RABGAP1L: variants seen among roughly 807,000 people sequenced by gnomAD.
RABGAP1L encodes rab GTPase-activating protein 1-like.
A neutral mutation model predicts 137.7 loss-of-function variants in RABGAP1L; 63 were observed. The ratio of observed to expected loss-of-function variants is 0.46; its 90% CI spans 0.37 to 0.56. The LOEUF is 0.56. Ranked by LOEUF, RABGAP1L falls within the 20% of genes least tolerant of loss-of-function variation. RABGAP1L has a pLI of 0.00. For missense variants in RABGAP1L, 1,095 were observed against 1,244.0 expected (o/e 0.88, Z 1.80); for synonymous variants, 431 against 433.7 (o/e 0.99, Z 0.08).
intron 14 of RABGAP1L, among the ~76,000 whole-genome samples, chr1:174,640,365 C>T (rs1401487953): frequency 6.6e-6 from 1 of 152,050 alleles, no homozygotes. Flanking sequence ...CTCAAGCTTC[C>T]ACATCCACTT....
At chr1:174,283,938 A>G (rs1305727902) in intron 10 of RABGAP1L, among the ~76,000 whole-genome samples, 1 of 152,216 alleles carries the variant, frequency 6.6e-6, no homozygotes, top group Non-Finnish European at 1.5e-5. Flanking sequence ...GGTTTTACAC[A>G]TACTTTAATT....
At chr1:174,270,871 A>T (rs1436654369) in intron 7 of RABGAP1L, among the ~76,000 whole-genome samples, 1 of 152,200 alleles carries the variant, frequency 6.6e-6, no homozygotes, top group East Asian at 1.9e-4. Flanking sequence ...GAAGCAAAGT[A>T]TGTAGGGATG....
chr1:174,206,734 T>C (rs894714388), intron 1 of RABGAP1L, among the ~76,000 whole-genome samples: 3 of 152,214 alleles, frequency 2.0e-5, no homozygotes, highest in African/African-American at 7.2e-5. Context: ...CACTTTCGAA[T>C]ATGTTACGTT....
At chr1:174,195,543 T>C (rs1571479262) in intron 1 of RABGAP1L, among the ~76,000 whole-genome samples, 1 of 152,006 alleles carries the variant, frequency 6.6e-6, no homozygotes, top group Non-Finnish European at 1.5e-5. Flanking sequence ...CCTGTTATGA[T>C]ACTAGTAACT....
At chr1:174,590,123 CTTTTTTTTTTT>C (rs1166364912) in intron 13 of RABGAP1L, among the ~76,000 whole-genome samples, 88 of 59,808 alleles carry the variant, frequency 1.5e-3, no homozygotes, top group African/African-American at 2.6e-3. Flanking sequence ...TCTTCAGTTT[CTTTTTTTTTTT>C]TTTTTTTTTT....
At chr1:174,950,809 G>A (rs1243831739) in intron 19 of RABGAP1L, among the ~76,000 whole-genome samples, 1 of 152,144 alleles carries the variant, frequency 6.6e-6, no homozygotes, top group Non-Finnish European at 1.5e-5. Flanking sequence ...CTAGGCACCT[G>A]AACTGAGCAC....
chr1:174,899,972 A>G (rs1350893436), intron 19 of RABGAP1L, among the ~76,000 whole-genome samples: 3 of 152,166 alleles, frequency 2.0e-5, no homozygotes, highest in African/African-American at 4.8e-5. Flanking sequence ...CTGAAGGACT[A>G]TAGTGCAGAA....
chr1:174,486,553 C>T (rs1659678768), intron 13 of RABGAP1L, among the ~76,000 whole-genome samples: 1 of 151,844 alleles, frequency 6.6e-6, no homozygotes, highest in Non-Finnish European at 1.5e-5. Context: ...TCACTGTGTT[C>T]ACCAGGATGG....
chr1:174,354,773 C>T (rs1040285064), intron 11 of RABGAP1L, among the ~76,000 whole-genome samples: 1 of 152,080 alleles, frequency 6.6e-6, no homozygotes. Flanking sequence ...AGGTTTTCTT[C>T]TAGGGTTTTT....
intron 13 of RABGAP1L, among the ~76,000 whole-genome samples, chr1:174,429,087 G>T (rs1652293980): frequency 6.6e-6 from 1 of 152,022 alleles, no homozygotes. Flanking sequence ...TTAAAAACTA[G>T]GACAATTAAG....
At position 174,280,764 on chromosome 1, in the gene RABGAP1L, G is replaced by C. The variant is rs145143835; in HGVS notation, c.1323+1985G>C. ...CTAGAGGCTGGGAAAGTAAACTAGAGAAAGTCCTTTTGTGTCCGGAATTGG... is the reference window on the plus strand; with the variant it reads ...CTAGAGGCTGGGAAAGTAAACTAGACAAAGTCCTTTTGTGTCCGGAATTGG... On this transcript the variant is annotated intron_variant, in intron 10 of 25. Transcript: ENST00000681986. Among the ~76,000 whole-genome samples, 840 of 152,332 alleles carry C rather than the reference G, an allele frequency of 5.5e-3. 4 individuals are homozygous for C. The highest frequency in any genetic ancestry group is 8.6e-3 in the Non-Finnish European group (587 of 68,024).
chr1:174,418,839 G>A (rs1006687699), intron 13 of RABGAP1L, among the ~76,000 whole-genome samples: 7 of 152,118 alleles, frequency 4.6e-5, no homozygotes, highest in African/African-American at 1.7e-4. Context: ...AGGAGTTCAA[G>A]ACCAGCCTGG....
chr1:174,219,254 G>T lies in RABGAP1L; in HGVS notation c.97G>T (p.Asp33Tyr). Residue 33 changes from aspartate to tyrosine, a missense_variant, in exon 2 of 26, where the codon GAT becomes TAT. Physicochemically the swap from Asp to Tyr is radical, Grantham distance 160 (BLOSUM62 -3). Coordinates refer to ENST00000681986, the MANE Select transcript of RABGAP1L (RefSeq NM_001366446.1). ...EEFVLVPQYADDNSTKHEEKP... is the reference protein window; with the variant it reads ...EEFVLVPQYAYDNSTKHEEKP... Reference sequence around the variant, plus strand: ...ATTTGTTTTGGTTCCTCAGTATGCAGATGATAATTCTACAAAACATGAAGA... The same window carrying T: ...ATTTGTTTTGGTTCCTCAGTATGCATATGATAATTCTACAAAACATGAAGA... 6.3e-7 allele frequency: 1 copy of T among 1,595,236 alleles called. No individual in the cohort carries two copies. The highest frequency in any genetic ancestry group is 8.5e-7 in the Non-Finnish European group (1 of 1,170,076).
At chr1:174,892,904 T>G (rs943102436) in intron 19 of RABGAP1L, 4 of 191,626 alleles carry the variant, frequency 2.1e-5, no homozygotes, top group African/African-American at 5.4e-5. Flanking sequence ...TAATTTTTTT[T>G]TTTTTTTTTT....
At chr1:174,628,497 G>T (rs115381971) in intron 13 of RABGAP1L, among the ~76,000 whole-genome samples, 3,752 of 152,208 alleles carry the variant, frequency 0.025, 63 homozygotes, top group Non-Finnish European at 0.036. Flanking sequence ...TAGGCAATAT[G>T]CTAAGTACTT....
At chr1:174,671,265 T>G (rs573069088) in intron 14 of RABGAP1L, among the ~76,000 whole-genome samples, 2 of 152,346 alleles carry the variant, frequency 1.3e-5, no homozygotes, top group East Asian at 3.9e-4. Context: ...TAAAATGATG[T>G]CAACTGCAGA....
chr1:174,294,915 A>G (rs546458971), intron 10 of RABGAP1L, among the ~76,000 whole-genome samples: 13 of 150,054 alleles, frequency 8.7e-5, no homozygotes, highest in Non-Finnish European at 1.5e-4. Flanking sequence ...TTTTTGATAC[A>G]TTGAATTTTT....
chr1:174,863,537 G>A (rs951681839), intron 19 of RABGAP1L, among the ~76,000 whole-genome samples: 2 of 151,858 alleles, frequency 1.3e-5, no homozygotes, highest in Admixed American at 6.6e-5. Context: ...GCCGGGCATG[G>A]TGGCGGACGC....
intron 13 of RABGAP1L, among the ~76,000 whole-genome samples, chr1:174,599,363 G>A (rs1222059953): frequency 6.6e-6 from 1 of 152,156 alleles, no homozygotes; most frequent in Non-Finnish European, 1.5e-5. Context: ...GAAGATATAA[G>A]TAGTTTACAG....
Sources: gnomAD v4.1 joint callset for allele counts (sites outside exome capture counted in the v4.1 genomes callset) on GRCh38, gnomAD v4.1.1 for gene constraint, MANE v1.5 for transcripts, NCBI Gene and HGNC (gene_info 2026-07-23, HGNC 2026-07-21) for gene names.